DHX35: variants seen among roughly 807,000 people sequenced by gnomAD.
DHX35 encodes the protein probable ATP-dependent RNA helicase DHX35.
A neutral mutation model predicts 99.6 loss-of-function variants in DHX35; 84 were observed. The observed-to-expected ratio is 0.84, with a 90% confidence interval of 0.71 to 1.01. The LOEUF (loss-of-function observed/expected upper bound fraction) is 1.01, where lower values mean the gene tolerates loss of function less well. Among genes scored for constraint, DHX35 ranks in the 50% least tolerant of loss-of-function variants. The pLI, the probability that DHX35 is intolerant of heterozygous loss-of-function variation, is 0.00. For missense variants in DHX35, 852 were observed against 888.5 expected (o/e 0.96, Z 0.52); for synonymous variants, 331 against 316.2 (o/e 1.05, Z -0.50).
In DHX35 at chr20:38,988,400, C is replaced by T. The variant is rs552906141; in HGVS notation, c.346-413C>T. ...ATCCCTGTACTTTGAGAGGCTGAGGCGGGCAAATTGCTTGAGGTCAGGAGT... is the reference window on the plus strand; with the variant it reads ...ATCCCTGTACTTTGAGAGGCTGAGGTGGGCAAATTGCTTGAGGTCAGGAGT... On this transcript the variant is annotated intron_variant, in intron 4 of 21. Transcript: ENST00000252011. Among the ~76,000 whole-genome samples, 21 of 152,178 alleles carry T rather than the reference C, an allele frequency of 1.4e-4. No individual in the cohort carries two copies. In the South Asian group the frequency reaches 3.3e-3, roughly 24 times the overall value.
chr20:39,004,681 A>G (rs1441732060), intron 11 of DHX35, among the ~76,000 whole-genome samples: 18 of 152,226 alleles, frequency 1.2e-4, no homozygotes, highest in Admixed American at 1.2e-3. Flanking sequence ...GGTGGAAAGC[A>G]TTGGTTTGAA....
chr20:38,969,106 C>T lies in DHX35; in HGVS notation c.66C>T (p.Ile22=), dbSNP rs2085954818. The change falls in exon 2 of 22, where the codon ATC becomes ATT. Residue 22 remains isoleucine (I), a synonymous_variant. Coordinates refer to ENST00000252011, the MANE Select transcript of DHX35 (RefSeq NM_021931.4). ...RPGTEGPGVS[I]SEERQSLAEN... ...GTACAGAGGGGCCAGGTGTAAGCAT[C>T]TCTGAAGAGAGACAAAGTCTGGCTG... The T allele has an allele frequency of 6.2e-7, 1 of 1,613,280 alleles. No homozygotes were observed. The highest frequency in any genetic ancestry group is 8.5e-7 in the Non-Finnish European group (1 of 1,179,446).
At position 38,983,742 on chromosome 20, in the gene DHX35, G is replaced by A; in HGVS notation, c.311G>A (p.Gly104Glu). ...AGWTAEGRVV[G>E]VTQPRRVAAV... is the part of the protein sequence containing the mutation. Reference sequence around the variant, plus strand: ...TGGACAGCTGAAGGAAGAGTGGTAGGAGTGACCCAGCCTCGAAGAGTGGCT... The same window carrying A: ...TGGACAGCTGAAGGAAGAGTGGTAGAAGTGACCCAGCCTCGAAGAGTGGCT... Residue 104 changes from glycine (G) to glutamate (E), a missense_variant, in exon 4 of 22, where the codon GGA becomes GAA. Coordinates refer to ENST00000252011, the MANE Select transcript of DHX35 (RefSeq NM_021931.4). 2 of 1,614,082 alleles carry A rather than the reference G, an allele frequency of 1.2e-6. No homozygotes were observed. Among genetic ancestry groups the A allele is most frequent in the Non-Finnish European group, 1.7e-6 (2 of 1,179,998 alleles).
At chr20:39,025,015 C>T (rs1012376502) in intron 17 of DHX35, among the ~76,000 whole-genome samples, 3 of 152,106 alleles carry the variant, frequency 2.0e-5, no homozygotes, top group Non-Finnish European at 4.4e-5. Flanking sequence ...CTCATTTGCC[C>T]TTTAGTGTAA....
Position 38,972,667 on chromosome 20 carries a change from A to G in DHX35, c.267+16A>G. The G allele has an allele frequency of 1.9e-6, 3 of 1,571,888 alleles. No individual in the cohort carries two copies. The highest frequency in any genetic ancestry group is 2.6e-6 in the Non-Finnish European group (3 of 1,143,456). ...GATTCCTCAGGTGAGTACATATTTAATAAGTGTCTTTACACTTCGATTTGG... is the reference window on the plus strand; with the variant it reads ...GATTCCTCAGGTGAGTACATATTTAGTAAGTGTCTTTACACTTCGATTTGG... On this transcript the variant is annotated intron_variant, in intron 3 of 21. Transcript: ENST00000252011.
chr20:38,976,309 T>A (rs2086075607), intron 3 of DHX35, among the ~76,000 whole-genome samples: 1 of 151,058 alleles, frequency 6.6e-6, no homozygotes, highest in African/African-American at 2.4e-5. Flanking sequence ...TTGGTAGAAA[T>A]TTTTTCATGC....
intron 21 of DHX35, among the ~76,000 whole-genome samples, 191 bp downstream of exon 21, chr20:39,034,508 A>G (rs1470998965): frequency 6.6e-6 from 1 of 152,208 alleles, no homozygotes; most frequent in South Asian, 2.1e-4. Context: ...GTGAAGTGCA[A>G]TTAAAAATAA....
intron 4 of DHX35, among the ~76,000 whole-genome samples, chr20:38,986,171 G>A (rs974976849): frequency 5.8e-4 from 87 of 150,504 alleles, no homozygotes; most frequent in Non-Finnish European, 9.3e-4. Flanking sequence ...GCACTTGCCA[G>A]TAGTAGGTGC....
At chr20:39,011,658 C>A (rs953359590) in intron 13 of DHX35, among the ~76,000 whole-genome samples, 3 of 152,046 alleles carry the variant, frequency 2.0e-5, no homozygotes, top group African/African-American at 7.2e-5. Context: ...TTATTCTTGC[C>A]CTTATGAAGT....
At position 39,025,224 on chromosome 20, in the gene DHX35, C is replaced by A; in HGVS notation, c.1672-6C>A. Reference sequence around the variant, plus strand: ...TCTAACTCCCTCTCTCTGGGTTGTTCTGTAGCACAATAAGGACTCTAAATG... The same window carrying A: ...TCTAACTCCCTCTCTCTGGGTTGTTATGTAGCACAATAAGGACTCTAAATG... On this transcript the variant is annotated splice_polypyrimidine_tract_variant and splice_region_variant and intron_variant, in intron 17 of 21. Transcript: ENST00000252011. The A allele has an allele frequency of 6.2e-7, 1 of 1,608,934 alleles. No homozygotes were observed. Among genetic ancestry groups the A allele is most frequent in the Non-Finnish European group, 8.5e-7 (1 of 1,177,684 alleles).
At position 38,983,717 on chromosome 20, in the gene DHX35, T is replaced by A; in HGVS notation, c.286T>A (p.Trp96Arg). The change falls in exon 4 of 22, where the codon TGG (tryptophan) becomes AGG (arginine). Residue 96 changes from tryptophan to arginine, a missense_variant. Trp to Arg is a moderately radical substitution (Grantham distance 101). Transcript: ENST00000252011. The part of the protein sequence containing the change: ...QIPQYLAEAG[W>R]TAEGRVVGVT... ...TTTGTAGTACCTTGCAGAAGCCGGCTGGACAGCTGAAGGAAGAGTGGTAGG... is the reference window on the plus strand; with the variant it reads ...TTTGTAGTACCTTGCAGAAGCCGGCAGGACAGCTGAAGGAAGAGTGGTAGG... 1.2e-6 allele frequency: 2 copies of A among 1,614,090 alleles called. No individual in the cohort carries two copies. The highest frequency in any genetic ancestry group is 2.2e-5 in the South Asian group (2 of 91,076).
chr20:38,977,494 C>A (rs2086099531), intron 3 of DHX35, among the ~76,000 whole-genome samples: 1 of 151,752 alleles, frequency 6.6e-6, no homozygotes, highest in Non-Finnish European at 1.5e-5. Context: ...TTTTTGTCTC[C>A]CCACCATTTC....
At chr20:39,013,484 T>C (rs1018224299) in intron 13 of DHX35, among the ~76,000 whole-genome samples, 3 of 152,166 alleles carry the variant, frequency 2.0e-5, no homozygotes, top group African/African-American at 7.2e-5. Context: ...TTATCCCAAA[T>C]CAGTTGAGGT....
intron 5 of DHX35, 38 bp downstream of exon 5, chr20:38,988,955 G>T: frequency 6.2e-7 from 1 of 1,601,374 alleles, no homozygotes; most frequent in South Asian, 1.1e-5. Context: ...TGGAAATAAG[G>T]AAGAAGGTTA....
chr20:38,962,623 C>T (rs1462610138), intron 1 of DHX35: 1 of 595,304 alleles, frequency 1.7e-6, no homozygotes, highest in East Asian at 2.9e-5. Context: ...CTCTTTGTGA[C>T]CTTGTTAAAG....
intron 15 of DHX35, among the ~76,000 whole-genome samples, chr20:39,021,487 A>G (rs1398027597): frequency 6.6e-6 from 1 of 152,066 alleles, no homozygotes; most frequent in Non-Finnish European, 1.5e-5. Flanking sequence ...TATTTTATAA[A>G]CTTCATTTTT....
intron 19 of DHX35, chr20:39,029,643 A>G (rs2145943787): frequency 6.6e-6 from 1 of 152,074 alleles, no homozygotes; most frequent in East Asian, 1.9e-4. Flanking sequence ...GATCTTCCCT[A>G]AGGAGTGCTG....
chr20:39,001,234 A>G (rs567075072), intron 8 of DHX35, among the ~76,000 whole-genome samples: 1 of 152,320 alleles, frequency 6.6e-6, no homozygotes, highest in African/African-American at 2.4e-5. Context: ...CCCTGCCATC[A>G]AGTGGCCTAA....
rs114022250 is a variant in DHX35, at chr20:39,006,392, T to G, written c.1222+36T>G. 1.3e-3 allele frequency: 2,133 copies of G among 1,601,778 alleles called. 23 individuals carry two copies. The African/African-American group carries it at 0.024, about 18-fold the overall frequency. Reference sequence around the variant, plus strand: ...CTTTCCCTAAGGGTTTTTGACTTTCTTATAGTCAGCCTGGGCAACAGAGTG... The same window carrying G: ...CTTTCCCTAAGGGTTTTTGACTTTCGTATAGTCAGCCTGGGCAACAGAGTG... On this transcript the variant is annotated intron_variant, in intron 12 of 21. Transcript: ENST00000252011.
Sources: gnomAD v4.1 joint callset for allele counts (sites outside exome capture counted in the v4.1 genomes callset) on GRCh38, gnomAD v4.1.1 for gene constraint, MANE v1.5 for transcripts, NCBI Gene and HGNC (gene_info 2026-07-23, HGNC 2026-07-21) for gene names.